DNAJC2: variants seen among roughly 807,000 people sequenced by gnomAD.
DNAJC2 encodes dnaJ homolog subfamily C member 2.
In DNAJC2, 32 loss-of-function variants were observed where a neutral mutation model predicts 94.0. That is an observed-to-expected ratio of 0.34 (90% confidence interval 0.26 to 0.46). The LOEUF is 0.46. Among genes scored for constraint, DNAJC2 ranks in the 20% least tolerant of loss-of-function variants. The pLI is 1.00. For synonymous variants in DNAJC2, 210 were observed against 229.7 expected, an observed-to-expected ratio of 0.91 and a Z score of 0.77; for missense variants, 550 against 719.5, an observed-to-expected ratio of 0.76 and a Z score of 2.69.
chr7:103,316,356 T>C (rs776950056), intron 13 of DNAJC2: 5 of 279,584 alleles, frequency 1.8e-5, no homozygotes, highest in Non-Finnish European at 3.3e-5. Flanking sequence ...AACCACTTAT[T>C]TGTGTATACT....
intron 10 of DNAJC2, among the ~76,000 whole-genome samples, chr7:103,321,417 C>T (rs973654633): frequency 2.0e-5 from 3 of 151,818 alleles, no homozygotes; most frequent in Non-Finnish European, 4.4e-5. Flanking sequence ...ACTCAGGAGG[C>T]TGAGGCAGGA....
chr7:103,321,814 C>T (rs1818434999), intron 10 of DNAJC2, 118 bp downstream of exon 10: 2 of 1,219,354 alleles, frequency 1.6e-6, no homozygotes, highest in African/African-American at 1.5e-5. Flanking sequence ...CGCCACTGCA[C>T]TCCAGCCTGG....
chr7:103,337,604 T>C (rs1374164746), intron 3 of DNAJC2, 132 bp downstream of exon 3: 1 of 711,442 alleles, frequency 1.4e-6, no homozygotes, highest in Non-Finnish European at 2.3e-6. Flanking sequence ...TTTTTGCTTG[T>C]TATGACAATA....
chr7:103,342,707 C>G (rs1819426979), intron 1 of DNAJC2, among the ~76,000 whole-genome samples: 2 of 151,394 alleles, frequency 1.3e-5, no homozygotes, highest in South Asian at 4.2e-4. Flanking sequence ...CTCCCGGGTT[C>G]AAGCGATTCT....
chr7:103,324,639 A>T, intron 5 of DNAJC2, 77 bp from the exon 6 acceptor site: 1 of 1,207,376 alleles, frequency 8.3e-7, no homozygotes, highest in Non-Finnish European at 1.1e-6. Context: ...TTAATTTATT[A>T]AAAACAATAA....
chr7:103,315,169 A>ATT (rs35425130), intron 15 of DNAJC2, among the ~76,000 whole-genome samples: 4 of 146,862 alleles, frequency 2.7e-5, no homozygotes, highest in Admixed American at 6.8e-5. Context: ...AAACCCTAAC[A>ATT]TTTTTTTTTT....
Position 103,326,701 on chromosome 7 carries a change from T to C in DNAJC2, c.431-17A>G. The C allele has an allele frequency of 6.3e-7, 1 of 1,599,526 alleles. No individual in the cohort carries two copies. Among genetic ancestry groups the C allele is most frequent in the South Asian group, 1.1e-5 (1 of 87,544 alleles). ...TTTCATAAGCTGAGAAAAAAATTGT[T>C]AAGATCACATCACCATAACTTTACC... On this transcript the variant is annotated splice_polypyrimidine_tract_variant and intron_variant, in intron 4 of 16. Transcript: ENST00000379263.
intron 3 of DNAJC2, among the ~76,000 whole-genome samples, chr7:103,334,775 A>G (rs556929888): frequency 6.6e-6 from 1 of 152,148 alleles, no homozygotes; most frequent in African/African-American, 2.4e-5. Context: ...TGAGCATAAT[A>G]AAATTATTTA....
chr7:103,342,775 A>G (rs894263439), intron 1 of DNAJC2, among the ~76,000 whole-genome samples: 1 of 144,582 alleles, frequency 6.9e-6, no homozygotes, highest in Non-Finnish European at 1.5e-5. Context: ...CCCCCGGCTA[A>G]TTTTTTGCAT....
Position 103,322,059 on chromosome 7 carries a change from G to C in DNAJC2, c.956C>G (p.Ala319Gly), listed in dbSNP as rs769877689. 6.2e-7 allele frequency: 1 copy of C among 1,612,472 alleles called. No individual in the cohort carries two copies. The highest frequency in any genetic ancestry group is 8.5e-7 in the Non-Finnish European group (1 of 1,179,202). Residue 319 changes from alanine to glycine, a missense_variant, in exon 10 of 17, where the codon GCT becomes GGT. Around this residue, in one of 2 missense-constraint regions of DNAJC2, gnomAD observed 279 missense variants for 416.9 expected, o/e 0.67. Coordinates refer to ENST00000379263, the MANE Select transcript of DNAJC2 (RefSeq NM_014377.3). The stretch of plus-strand genomic sequence containing the variant: ...TTCTTTCTCCTTAGCTAACCGAGCA[G>C]CTTCTAATTCAGCTTGTCTTTGCTT... The part of the protein sequence containing the change: ...KEKQRQAELE[A>G]ARLAKEKEEE...
rs374873868 is a variant in DNAJC2 at position 103,319,785 on chromosome 7, T to C, written c.1143A>G (p.Glu381=). 6.2e-7 allele frequency: 1 copy of C among 1,614,100 alleles called. No individual in the cohort carries two copies. The highest frequency in any genetic ancestry group is 1.3e-5 in the African/African-American group (1 of 74,940). The change falls in exon 11 of 17, where the codon GAA becomes GAG. Residue 381 remains glutamate (E), a synonymous_variant. Transcript: ENST00000379263. ...CCAGTTCAAGCCGATCACAAAGTTTTTCCACTTCTTCCATCATTTTAACCC... is the reference window on the plus strand; with the variant it reads ...CCAGTTCAAGCCGATCACAAAGTTTCTCCACTTCTTCCATCATTTTAACCC... The part of the protein sequence containing the change: ...AERVKMMEEV[E]KLCDRLELAS...
chr7:103,315,848 T>G lies in DNAJC2; in HGVS notation c.1552A>C (p.Asn518His). The G allele has an allele frequency of 3.1e-6, 5 of 1,613,378 alleles. No homozygotes were observed. Among genetic ancestry groups the G allele is most frequent in the Non-Finnish European group, 3.4e-6 (4 of 1,179,558 alleles). The change falls in exon 15 of 17, where the codon AAT becomes CAT. Residue 518 changes from asparagine to histidine, a missense_variant. By Grantham distance (68) the Asn-to-His change is moderately conservative. Coordinates refer to ENST00000379263, the MANE Select transcript of DNAJC2 (RefSeq NM_014377.3). ...TTGAACTTATCAAATGCCTTTTTAT[T>G]TATGTCATCTTTTTGATGAGGGTCT... ...KLDPHQKDDINKKAFDKFKKE... is the reference protein window; with the variant it reads ...KLDPHQKDDIHKKAFDKFKKE...
intron 1 of DNAJC2, among the ~76,000 whole-genome samples, chr7:103,343,343 T>G (rs1227069524): frequency 6.6e-6 from 1 of 152,208 alleles, no homozygotes; most frequent in African/African-American, 2.4e-5. Context: ...ATATAGCTCT[T>G]AAAAATTTTA....
chr7:103,320,584 C>T (rs1275841686), intron 10 of DNAJC2, among the ~76,000 whole-genome samples: 1 of 151,080 alleles, frequency 6.6e-6, no homozygotes, highest in African/African-American at 2.4e-5. Flanking sequence ...CACAGTGAAA[C>T]CCCGTCTCTA....
At chr7:103,316,536 A>ATC (rs1818065540) in intron 13 of DNAJC2, 2 of 303,598 alleles carry the variant, frequency 6.6e-6, no homozygotes, top group Non-Finnish European at 1.2e-5. Context: ...ACTACAGAAA[A>ATC]CCTAATCCCT....
At chr7:103,316,699 AC>A (rs1181419159) in intron 13 of DNAJC2, 130 bp downstream of exon 13, 18 of 755,332 alleles carry the variant, frequency 2.4e-5, no homozygotes, top group Middle Eastern at 7.5e-4. Context: ...CTCACTTTTC[AC>A]ACTTTTCTGC....
Position 103,317,160 on chromosome 7 carries a change from G to A in DNAJC2, c.1243-146C>T. ...TCCTCTCAGGCCAACCCAAAAAGAA[G>A]CACCAGCTTTTCACTCTGGCTTCCA... is the stretch of plus-strand genomic sequence containing the variant. On this transcript the variant is annotated intron_variant, in intron 12 of 16. Transcript: ENST00000379263. 4 of 690,222 alleles carry A rather than the reference G, an allele frequency of 5.8e-6. No homozygotes were observed. The East Asian group carries it at 8.2e-5, about 14-fold the overall frequency. The allele number at this position is 690,222 out of a possible 1,614,324, so 42.8% of individuals were successfully genotyped here.
chr7:103,327,368 A>C (rs1317090167), intron 4 of DNAJC2: 32 of 1,265,146 alleles, frequency 2.5e-5, no homozygotes, highest in Non-Finnish European at 3.3e-5. Flanking sequence ...GATAAGAATC[A>C]CCTGGGGATC....
chr7:103,326,341 ACTT>A (rs775242980), intron 5 of DNAJC2, among the ~76,000 whole-genome samples, 199 bp downstream of exon 5: 5 of 152,210 alleles, frequency 3.3e-5, no homozygotes, highest in Non-Finnish European at 7.3e-5. Context: ...GAAATGTAGA[ACTT>A]CTGTTTAGAA....
Sources: gnomAD v4.1 joint callset for allele counts (sites outside exome capture counted in the v4.1 genomes callset) on GRCh38, gnomAD v4.1.1 for gene constraint, gnomAD v4.1.1 regional missense constraint, MANE v1.5 for transcripts, NCBI Gene and HGNC (gene_info 2026-07-23, HGNC 2026-07-21) for gene names.